NSMCE4A: variants seen among roughly 807,000 people sequenced by gnomAD.
NSMCE4A encodes the protein NSE4A component of SMC5/6 complex, also known as non-structural maintenance of chromosomes element 4 homolog A.
In NSMCE4A, 40 loss-of-function variants were observed where a neutral mutation model predicts 47.9. That is an observed-to-expected ratio of 0.83 (90% CI 0.65 to 1.09). The LOEUF is 1.09. Ranked by LOEUF, NSMCE4A falls within the 50% of genes least tolerant of loss-of-function variation. The probability of loss-of-function intolerance (pLI) is 0.00; values close to 1 mark genes in which losing one functional copy is unlikely to be tolerated. For missense variants in NSMCE4A, 500 were observed against 507.0 expected (o/e 0.99, Z 0.13); for synonymous variants, 166 against 178.5 (o/e 0.93, Z 0.56).
chr10:121,958,778 C>T (rs1952444789), intron 10 of NSMCE4A, among the ~76,000 whole-genome samples: 1 of 151,364 alleles, frequency 6.6e-6, no homozygotes, highest in African/African-American at 2.5e-5. Flanking sequence ...AAAAACAAAA[C>T]CCACCAAACC....
At chr10:121,968,322 G>A (rs1217154848) in intron 3 of NSMCE4A, among the ~76,000 whole-genome samples, 2 of 152,190 alleles carry the variant, frequency 1.3e-5, no homozygotes, top group African/African-American at 4.8e-5. Flanking sequence ...CCAGAACTCA[G>A]CCCCCTGGGA....
At chr10:121,969,571 C>T (rs1344456849) in intron 3 of NSMCE4A, among the ~76,000 whole-genome samples, 1 of 144,078 alleles carries the variant, frequency 6.9e-6, no homozygotes. Flanking sequence ...CATGCCTTTA[C>T]AAAAAAATTA....
intron 10 of NSMCE4A, 76 bp downstream of exon 10, chr10:121,959,248 A>G: frequency 1.5e-6 from 2 of 1,306,286 alleles, no homozygotes; most frequent in Non-Finnish European, 2.2e-6. Flanking sequence ...ATTTCACTGG[A>G]ATGGGGAAAA....
At chr10:121,959,198 A>C in intron 10 of NSMCE4A, 126 bp downstream of exon 10, 1 of 751,778 alleles carries the variant, frequency 1.3e-6, no homozygotes, top group South Asian at 1.5e-5. Context: ...TGTTACACAC[A>C]GTTCTAAGAA....
At chr10:121,971,679 C>T (rs1368033868) in intron 2 of NSMCE4A, among the ~76,000 whole-genome samples, 1 of 152,196 alleles carries the variant, frequency 6.6e-6, no homozygotes, top group Admixed American at 6.5e-5. Context: ...ATGTCTAATA[C>T]TCACTTTTCC....
At chr10:121,967,433 GAT>G (rs1206372753) in intron 4 of NSMCE4A, 2 of 497,532 alleles carry the variant, frequency 4.0e-6, no homozygotes, top group Admixed American at 7.7e-5. Context: ...CCTGAGCTCA[GAT>G]GATCTACCTG....
intron 1 of NSMCE4A, 166 bp downstream of exon 1, chr10:121,974,708 T>C (rs911557273): frequency 1.8e-6 from 2 of 1,127,354 alleles, no homozygotes; most frequent in African/African-American, 3.3e-5. Flanking sequence ...GGGAGCACTT[T>C]GTCAACAATT....
At chr10:121,961,556 G>T (rs12247367) in intron 6 of NSMCE4A, 39 bp from the exon 7 acceptor site, 11 of 1,292,388 alleles carry the variant, frequency 8.5e-6, no homozygotes, top group Non-Finnish European at 1.2e-5. Flanking sequence ...ATTTTTGCTT[G>T]TCATTAATAT....
intron 3 of NSMCE4A, among the ~76,000 whole-genome samples, chr10:121,970,385 T>C (rs4752627): frequency 0.57 from 83,957 of 147,240 alleles, 24,568 homozygotes; most frequent in Middle Eastern, 0.7. Context: ...GACAGGAGAA[T>C]GGCGTGAACC....
Position 121,960,126 on chromosome 10 carries a change from A to G in NSMCE4A, c.988+232T>C. The G allele has an allele frequency of 2.7e-6, 1 of 367,544 alleles. No homozygotes were observed. The highest frequency in any genetic ancestry group is 4.8e-6 in the Non-Finnish European group (1 of 207,372). The allele number at this position is 367,544 out of a possible 1,614,324, so 22.8% of individuals were successfully genotyped here. ...TCTAAATTAAGATCTGAGGGAAATT[A>G]TATCATTTCTTTGTTAATATTTACA... is the stretch of plus-strand genomic sequence containing the variant. On this transcript the variant is annotated intron_variant, in intron 8 of 10. Coordinates refer to ENST00000369023, the MANE Select transcript of NSMCE4A (RefSeq NM_017615.3). This position sits in a 1 kb window ranked among gnomAD's most constrained non-coding sequence, Gnocchi z 4.2.
At chr10:121,966,723 A>G (rs1483118462) in intron 4 of NSMCE4A, 2 of 152,014 alleles carry the variant, frequency 1.3e-5, no homozygotes, top group Non-Finnish European at 2.9e-5. Flanking sequence ...GGACTGAACA[A>G]CTCAGATGGC....
Position 121,960,349 on chromosome 10 carries a change from ATCATT to A in NSMCE4A, c.988+4_988+8del. ...TAAAACTAATTTTTCCAAACATAGT[ATCATT>A]TACCTATTACTGGCAGTCGGTCTTG... On this transcript the variant is annotated splice_donor_5th_base_variant and intron_variant, in intron 8 of 10. Transcript: ENST00000369023. This position sits in a 1 kb window ranked among gnomAD's most constrained non-coding sequence, Gnocchi z 4.2. 1 of 1,478,316 alleles carries A rather than the reference ATCATT, an allele frequency of 6.8e-7. No individual in the cohort carries two copies. The highest frequency in any genetic ancestry group is 8.9e-7 in the Non-Finnish European group (1 of 1,119,994). The allele number at this position is 1,478,316 out of a possible 1,614,324, so 91.6% of individuals were successfully genotyped here. A position where few individuals can be genotyped will look rare whatever the true frequency, so the allele number is the denominator to read the frequency against.
intron 2 of NSMCE4A, among the ~76,000 whole-genome samples, chr10:121,973,238 C>CAA (rs11327063): frequency 1.5e-5 from 2 of 132,172 alleles, no homozygotes; most frequent in South Asian, 5.4e-4. Flanking sequence ...TCTCAAACCT[C>CAA]AAAAAAAAAA....
At chr10:121,965,117 C>T (rs12244199) in intron 5 of NSMCE4A, among the ~76,000 whole-genome samples, 169 bp downstream of exon 5, 1 of 152,100 alleles carries the variant, frequency 6.6e-6, no homozygotes, top group Admixed American at 6.5e-5. Context: ...CAAAGACAAG[C>T]AGCCAATCCA....
At chr10:121,964,060 C>T (rs1952555851) in intron 5 of NSMCE4A, among the ~76,000 whole-genome samples, 1 of 145,602 alleles carries the variant, frequency 6.9e-6, no homozygotes, top group Admixed American at 6.9e-5. Flanking sequence ...CGCGCCACTG[C>T]ACTCCAGCCC....
chr10:121,965,141 A>C (rs1406396804), intron 5 of NSMCE4A, 145 bp downstream of exon 5: 2 of 608,374 alleles, frequency 3.3e-6, no homozygotes, highest in Non-Finnish European at 5.9e-6. Context: ...AAATGCTTAA[A>C]GGCTTAAATA....
intron 3 of NSMCE4A, among the ~76,000 whole-genome samples, 157 bp downstream of exon 3, chr10:121,970,782 A>G (rs1251173922): frequency 1.3e-5 from 2 of 152,208 alleles, no homozygotes. Flanking sequence ...ACATGGTTCT[A>G]CTTTCGTCTG....
chr10:121,974,659 G>A, intron 1 of NSMCE4A: 13 of 1,091,870 alleles, frequency 1.2e-5, no homozygotes, highest in Non-Finnish European at 1.4e-5. Context: ...CCGCCACTCG[G>A]GGACCCGCGC....
chr10:121,967,718 G>A lies in NSMCE4A; in HGVS notation c.590C>T (p.Ser197Phe). 1 of 1,614,024 alleles carries A rather than the reference G, an allele frequency of 6.2e-7. No individual in the cohort carries two copies. The highest frequency in any genetic ancestry group is 8.5e-7 in the Non-Finnish European group (1 of 1,179,958). The change falls in exon 4 of 11, where the codon TCC becomes TTC. Residue 197 changes from serine to phenylalanine, a missense_variant. Ser to Phe is a radical substitution (Grantham distance 155, BLOSUM62 -2). Transcript: ENST00000369023. ...TGCTGTTCTGCCTGTTATCTTCCAG[G>A]AGTCATAGACTATGAATTCAAAATC... ...SPDFEFIVYDSWKITGRTAEN... is the reference protein window; with the variant it reads ...SPDFEFIVYDFWKITGRTAEN...
Sources: allele counts gnomAD v4.1 joint callset (sites outside exome capture counted in the v4.1 genomes callset), GRCh38; gene constraint gnomAD v4.1.1; non-coding constraint Gnocchi (gnomAD v3.1); transcripts MANE v1.5; gene names NCBI Gene and HGNC (gene_info 2026-07-23, HGNC 2026-07-21).